The following DDHD2 variants were observed in gnomAD, a reference collection of about 807,000 sequenced individuals.
DDHD2 encodes DDHD domain containing 2.
A neutral mutation model predicts 91.2 loss-of-function variants in DDHD2; 62 were observed. The ratio of observed to expected loss-of-function variants is 0.68; its 90% CI spans 0.55 to 0.84. The LOEUF (loss-of-function observed/expected upper bound fraction) is 0.84, where lower values mean the gene tolerates loss of function less well. Among genes scored for constraint, DDHD2 ranks in the 40% least tolerant of loss-of-function variants. DDHD2 has a pLI of 0.00. For missense variants in DDHD2, 740 were observed against 846.9 expected, an observed-to-expected ratio of 0.87 and a Z score of 1.57; for synonymous variants, 271 against 293.9, an observed-to-expected ratio of 0.92 and a Z score of 0.80.
At chr8:38,237,686 T>A (rs1227252796) in intron 4 of DDHD2, 59 bp downstream of exon 4, 1 of 919,202 alleles carries the variant, frequency 1.1e-6, no homozygotes, top group Non-Finnish European at 1.6e-6. Context: ...TAGGGAGAAC[T>A]CAATTGGTTT....
downstream of DDHD2, chr8:38,266,209 A>G (rs758403359): frequency 8.7e-6 from 14 of 1,613,856 alleles, no homozygotes; most frequent in South Asian, 2.2e-5. Context: ...TAGAGGTGAC[A>G]GAAAGGCACA....
At position 38,234,511 on chromosome 8, in the gene DDHD2, G is replaced by C. The variant is rs748280169; in HGVS notation, c.338G>C (p.Cys113Ser). The change falls in exon 3 of 18, where the codon TGT (cysteine) becomes TCT (serine). Residue 113 changes from cysteine (C) to serine (S), a missense_variant. Physicochemically the swap from Cys to Ser is moderately radical, Grantham distance 112. Transcript: ENST00000397166. ...GAACTGGCATCGGAAGTGAGACGATGTACGTGGTTTTACAAGGGGGACAAA... is the reference window on the plus strand; with the variant it reads ...GAACTGGCATCGGAAGTGAGACGATCTACGTGGTTTTACAAGGGGGACAAA... Reference protein sequence around the residue: ...WDELASEVRRCTWFYKGDKDN... With the variant: ...WDELASEVRRSTWFYKGDKDN... 1 of 1,613,400 alleles carries C rather than the reference G, an allele frequency of 6.2e-7. No individual in the cohort carries two copies.
At chr8:38,234,624 CTTAT>C (rs767446112) in intron 3 of DDHD2, 40 bp downstream of exon 3, 2 of 1,468,914 alleles carry the variant, frequency 1.4e-6, no homozygotes, top group Admixed American at 4.8e-5. Context: ...CTTTCTTTCT[CTTAT>C]TTAATAATCT....
At chr8:38,245,296 G>A (rs1010275133) in intron 7 of DDHD2, among the ~76,000 whole-genome samples, 20 of 152,138 alleles carry the variant, frequency 1.3e-4, no homozygotes, top group Middle Eastern at 3.4e-3. Flanking sequence ...GCTGGGCATG[G>A]TGGCACATGC....
At chr8:38,244,564 T>C (rs943884945) in intron 7 of DDHD2, among the ~76,000 whole-genome samples, 6 of 149,772 alleles carry the variant, frequency 4.0e-5, no homozygotes, top group South Asian at 4.2e-4. Flanking sequence ...CTGAACAGTA[T>C]TTTTTTTGTT....
chr8:38,255,661 G>A (rs1806458641), intron 16 of DDHD2, among the ~76,000 whole-genome samples: 1 of 151,356 alleles, frequency 6.6e-6, no homozygotes, highest in South Asian at 2.1e-4. Context: ...AGTATATCTT[G>A]GCATTTTTTA....
intron 1 of DDHD2, chr8:38,269,352 G>T: frequency 1.3e-6 from 1 of 789,428 alleles, no homozygotes; most frequent in Non-Finnish European, 1.8e-6. Flanking sequence ...GGCATCGTCT[G>T]GCAAAGGGTA....
chr8:38,258,044 C>CA (rs1197643292), intron 16 of DDHD2, among the ~76,000 whole-genome samples: 1 of 152,088 alleles, frequency 6.6e-6, no homozygotes, highest in Non-Finnish European at 1.5e-5. Context: ...GATCTTAGTG[C>CA]ACTAGACCCT....
At chr8:38,264,809 G>A, downstream of DDHD2, 10 of 1,541,342 alleles carry the variant, frequency 6.5e-6, no homozygotes, top group South Asian at 1.1e-4. Context: ...GTTGCTTTCT[G>A]AACACCAAAT....
intron 3 of DDHD2, among the ~76,000 whole-genome samples, chr8:38,235,059 GAT>G (rs1804606167): frequency 6.6e-6 from 1 of 152,134 alleles, no homozygotes; most frequent in Non-Finnish European, 1.5e-5. Flanking sequence ...TAGTGAAAAA[GAT>G]ATGAATTAGA....
At chr8:38,273,640 T>C (rs1808536491), downstream of DDHD2, 1 of 152,238 alleles carries the variant, frequency 6.6e-6, no homozygotes. Flanking sequence ...AATTTTAGTA[T>C]GATAAAACCT....
intron 1 of DDHD2, chr8:38,268,300 G>T: frequency 7.3e-7 from 1 of 1,370,876 alleles, no homozygotes; most frequent in Non-Finnish European, 1.0e-6. Context: ...CAGGCTCACC[G>T]TGGCTGAATC....
In DDHD2 at chr8:38,233,024, G is replaced by C. The variant is rs1457593168; in HGVS notation, c.30G>C (p.Gln10His). Residue 10 changes from glutamine to histidine, a missense_variant, in exon 2 of 18, where the codon CAG becomes CAC. By Grantham distance (24) the Gln-to-His change is conservative. This residue lies in a region of DDHD2 where 693 missense variants were observed against 764.2 expected (regional missense o/e 0.91). Coordinates refer to ENST00000397166, the MANE Select transcript of DDHD2 (RefSeq NM_015214.3). MSSVQSQQEQLSQSDPSPSP... is the reference protein window; with the variant it reads MSSVQSQQEHLSQSDPSPSP... ...CATCAGTGCAGTCACAACAGGAGCA[G>C]TTGTCCCAGTCAGATCCATCTCCGT... 2 of 1,614,038 alleles carry C rather than the reference G, an allele frequency of 1.2e-6. No individual in the cohort carries two copies. The highest frequency in any genetic ancestry group is 2.2e-5 in the East Asian group (1 of 44,892).
chr8:38,238,270 GACCTTTTTCTGTGGATTTAGATT>G, intron 5 of DDHD2, 61 bp downstream of exon 5: 1 of 1,601,190 alleles, frequency 6.2e-7, no homozygotes, highest in South Asian at 1.1e-5. Context: ...CTTAAATTGT[GACCTTTTTCTGTGGATTTAGATT>G]ACCTCAAGGC....
intron 9 of DDHD2, 48 bp from the exon 10 acceptor site, chr8:38,247,665 G>T: frequency 7.9e-7 from 1 of 1,271,268 alleles, no homozygotes; most frequent in Non-Finnish European, 1.1e-6. Context: ...AGTATTAAAG[G>T]AAACTAAATG....
chr8:38,268,014 C>T, intron 1 of DDHD2: 4 of 1,613,126 alleles, frequency 2.5e-6, no homozygotes, highest in Non-Finnish European at 3.4e-6. Context: ...AAGGTATGGT[C>T]ATGGCCTCGT....
chr8:38,271,919 A>G (rs1461871184), downstream of DDHD2: 1 of 152,230 alleles, frequency 6.6e-6, no homozygotes, highest in African/African-American at 2.4e-5. Context: ...AATGAAATGA[A>G]AGACAAGCAA....
intron 2 of DDHD2, 26 bp from the exon 3 acceptor site, chr8:38,234,368 C>T: frequency 6.6e-7 from 1 of 1,515,048 alleles, no homozygotes. Context: ...ATATGTACTT[C>T]TTTTCCCCTT....
At chr8:38,242,789 C>A (rs561060529) in intron 7 of DDHD2, among the ~76,000 whole-genome samples, 2 of 152,224 alleles carry the variant, frequency 1.3e-5, no homozygotes, top group South Asian at 4.1e-4. Context: ...GGGGGGATTT[C>A]TCAAACATTA....
Sources: allele counts gnomAD v4.1 joint callset (sites outside exome capture counted in the v4.1 genomes callset), GRCh38; gene constraint gnomAD v4.1.1; regional missense constraint gnomAD v4.1.1; transcripts MANE v1.5; gene names NCBI Gene and HGNC (gene_info 2026-07-23, HGNC 2026-07-21).